Variants in WDR59 observed in about 807,000 individuals in gnomAD.
The protein encoded by WDR59 is WD repeat domain 59, also known as GATOR2 complex protein WDR59.
In WDR59, 100 loss-of-function variants were observed where a neutral mutation model predicts 131.2. That is an observed-to-expected ratio of 0.76 (90% CI 0.65 to 0.90). The LOEUF is 0.90. WDR59 is among the 40% of genes least tolerant of loss of function. WDR59 has a pLI of 0.00. For missense variants in WDR59, 1,203 were observed against 1,262.2 expected, an observed-to-expected ratio of 0.95 and a Z score of 0.71; for synonymous variants, 601 against 466.2, an observed-to-expected ratio of 1.29 and a Z score of -3.72.
intron 1 of WDR59, among the ~76,000 whole-genome samples, chr16:74,982,520 A>C (rs765488910): frequency 6.6e-6 from 1 of 152,280 alleles, no homozygotes; most frequent in East Asian, 1.9e-4. Flanking sequence ...ACATCTCTAT[A>C]AACAGGCAGG....
Position 74,927,681 on chromosome 16 carries a change from AAAACACACAC to A in WDR59, c.652-3688_652-3679del, listed in dbSNP as rs745746774. ...ATGTTTTAGATTTGCTGCTCTTTAAAAAACACACACACACACACACACACACACACACACA... is the reference window on the plus strand; with the variant it reads ...ATGTTTTAGATTTGCTGCTCTTTAAAACACACACACACACACACACACACA... On this transcript the variant is annotated intron_variant, in intron 8 of 25. Transcript: ENST00000262144. Among the ~76,000 whole-genome samples, 15 of 17,604 alleles carry A rather than the reference AAAACACACAC, an allele frequency of 8.5e-4. No individual in the cohort carries two copies. The Admixed American group carries it at 0.011, about 13-fold the overall frequency. 11.5% of individuals were successfully genotyped at this position (17,604 alleles called of 152,430 possible).
At chr16:74,959,835 GAAAAAAA>G (rs572556438) in intron 2 of WDR59, among the ~76,000 whole-genome samples, 3 of 91,150 alleles carry the variant, frequency 3.3e-5, no homozygotes, top group African/African-American at 7.7e-5. Flanking sequence ...ATAACAATAA[GAAAAAAA>G]AAAAAAGAGG....
At chr16:74,877,758 T>C (rs983940424) in intron 25 of WDR59, among the ~76,000 whole-genome samples, 9 of 152,214 alleles carry the variant, frequency 5.9e-5, no homozygotes, top group African/African-American at 2.2e-4. Flanking sequence ...TTGGCCAGTC[T>C]GGTCTCGAAC....
Position 74,888,332 on chromosome 16 carries a change from T to C in WDR59, c.2196-13A>G, listed in dbSNP as rs962128772. 19 of 1,608,260 alleles carry C rather than the reference T, an allele frequency of 1.2e-5. No homozygotes were observed. The African/African-American group carries it at 1.5e-4, about 12-fold the overall frequency. On this transcript the variant is annotated splice_polypyrimidine_tract_variant and intron_variant, in intron 21 of 25. Transcript: ENST00000262144. ...ATAGTGAGCCAACCTGAGGAAAAGA[T>C]AAGAGGAAAGAAAACAAGTCAGGAG...
intron 1 of WDR59, among the ~76,000 whole-genome samples, chr16:74,970,821 G>A (rs1467448567): frequency 1.3e-5 from 2 of 152,036 alleles, no homozygotes; most frequent in Admixed American, 6.6e-5. Flanking sequence ...GGAAGCCAAC[G>A]CAGGAGGATT....
chr16:74,964,861 G>C (rs376050816), intron 2 of WDR59, among the ~76,000 whole-genome samples: 2 of 151,906 alleles, frequency 1.3e-5, no homozygotes, highest in African/African-American at 4.8e-5. Context: ...TCAGGAGTTC[G>C]AGGTCAGCCT....
chr16:74,948,707 A>G, intron 5 of WDR59, 151 bp from the exon 6 acceptor site: 1 of 712,988 alleles, frequency 1.4e-6, no homozygotes, highest in Non-Finnish European at 2.5e-6. Flanking sequence ...AGAAGTCTAA[A>G]GAGAGACCTG....
At chr16:74,983,241 G>C (rs2034496713) in intron 1 of WDR59, among the ~76,000 whole-genome samples, 1 of 152,034 alleles carries the variant, frequency 6.6e-6, no homozygotes, top group African/African-American at 2.4e-5. Flanking sequence ...AGGAGGCCAA[G>C]GCAGATGGAT....
At chr16:74,981,250 C>G (rs1369001027) in intron 1 of WDR59, among the ~76,000 whole-genome samples, 2 of 151,466 alleles carry the variant, frequency 1.3e-5, no homozygotes, top group Non-Finnish European at 2.9e-5. Flanking sequence ...GTGGTGGGCG[C>G]CTGTAGTCCC....
At chr16:74,906,717 A>G (rs940707202) in intron 17 of WDR59, among the ~76,000 whole-genome samples, 4 of 152,204 alleles carry the variant, frequency 2.6e-5, no homozygotes, top group African/African-American at 9.6e-5. Context: ...AATAACATTA[A>G]GTTGAGCAAA....
chr16:74,921,938 C>T lies in WDR59; in HGVS notation c.886+9G>A, dbSNP rs1172230847. ...GAAGGAAAGTGGGCAGCAGGCCTCT[C>T]CCACTCACCTTCCTTCTGCTTCCTC... On this transcript the variant is annotated intron_variant, in intron 10 of 25. Transcript: ENST00000262144. 1 of 1,613,074 alleles carries T rather than the reference C, an allele frequency of 6.2e-7. No individual in the cohort carries two copies. Among genetic ancestry groups the T allele is most frequent in the Non-Finnish European group, 8.5e-7 (1 of 1,179,662 alleles).
At chr16:74,945,744 A>C (rs557839319) in intron 6 of WDR59, among the ~76,000 whole-genome samples, 2 of 151,718 alleles carry the variant, frequency 1.3e-5, no homozygotes, top group African/African-American at 4.8e-5. Flanking sequence ...CACCTTCTAC[A>C]GTGTGAGTCA....
intron 13 of WDR59, among the ~76,000 whole-genome samples, chr16:74,913,171 G>A (rs1433983430): frequency 6.6e-6 from 1 of 151,974 alleles, no homozygotes. Flanking sequence ...TCTTGCAGGA[G>A]TCAAGATCCA....
chr16:74,942,667 C>T, intron 7 of WDR59, 71 bp downstream of exon 7: 4 of 1,489,840 alleles, frequency 2.7e-6, no homozygotes, highest in Non-Finnish European at 2.8e-6. Context: ...AGTCCTGGCA[C>T]TCATAAAATC....
At chr16:74,968,883 A>G (rs1211100669) in intron 1 of WDR59, among the ~76,000 whole-genome samples, 1 of 152,200 alleles carries the variant, frequency 6.6e-6, no homozygotes, top group Non-Finnish European at 1.5e-5. Flanking sequence ...CCATGTTTGC[A>G]GGAGCACACT....
At chr16:74,973,033 A>G (rs1030901659) in intron 1 of WDR59, among the ~76,000 whole-genome samples, 2 of 151,724 alleles carry the variant, frequency 1.3e-5, no homozygotes, top group African/African-American at 4.8e-5. Context: ...TGAGGTCGGG[A>G]GTTTGAGACC....
rs1433583872 is a variant in WDR59 at position 74,923,990 on chromosome 16, C to T, written c.665G>A (p.Arg222His). ...AATATTGAGGTATTTCCGAGGCTGG[C>T]GGTAATCCCAGAACTAGAAGAGAGC... ...QDNSVKFWDY[R>H]QPRKYLNILP... The change falls in exon 9 of 26, where the codon CGC (arginine) becomes CAC (histidine). Residue 222 changes from arginine to histidine, a missense_variant. Physicochemically the swap from Arg to His is conservative, Grantham distance 29. Transcript: ENST00000262144. 12 of 1,613,306 alleles carry T rather than the reference C, an allele frequency of 7.4e-6. No homozygotes were observed. Among genetic ancestry groups the T allele is most frequent in the South Asian group, 2.2e-5 (2 of 90,644 alleles).
At chr16:74,952,474 A>G (rs1434730413) in intron 3 of WDR59, among the ~76,000 whole-genome samples, 2 of 151,138 alleles carry the variant, frequency 1.3e-5, no homozygotes, top group African/African-American at 4.8e-5. Context: ...AAAGAAAAGA[A>G]AAGAAGAAAG....
At position 74,888,330 on chromosome 16, in the gene WDR59, G is replaced by C. The variant is rs757111653; in HGVS notation, c.2196-11C>G. 82 of 1,609,138 alleles carry C rather than the reference G, an allele frequency of 5.1e-5. No individual in the cohort carries two copies. The highest frequency in any genetic ancestry group is 6.9e-5 in the Non-Finnish European group (81 of 1,177,928). ...CAATAGTGAGCCAACCTGAGGAAAA[G>C]ATAAGAGGAAAGAAAACAAGTCAGG... On this transcript the variant is annotated splice_polypyrimidine_tract_variant and intron_variant, in intron 21 of 25. Transcript: ENST00000262144.
Sources: allele counts gnomAD v4.1 joint callset (sites outside exome capture counted in the v4.1 genomes callset), GRCh38; gene constraint gnomAD v4.1.1; transcripts MANE v1.5; gene names NCBI Gene and HGNC (gene_info 2026-07-23, HGNC 2026-07-21).